SEC63: variants seen among roughly 807,000 people sequenced by gnomAD.
SEC63 encodes translocation protein SEC63 homolog.
A neutral mutation model predicts 116.2 loss-of-function variants in SEC63; 56 were observed. The ratio of observed to expected loss-of-function variants is 0.48; its 90% CI spans 0.39 to 0.60. SEC63 has a LOEUF of 0.60. SEC63 is among the 20% of genes least tolerant of loss of function. The pLI, the probability that SEC63 is intolerant of heterozygous loss-of-function variation, is 0.00. For missense variants in SEC63, 668 were observed against 900.0 expected (o/e 0.74, Z 3.30); for synonymous variants, 273 against 294.6 (o/e 0.93, Z 0.75).
At chr6:107,914,451 AAAAGGACATTC>A (rs1038673843) in intron 4 of SEC63, among the ~76,000 whole-genome samples, 47 of 152,192 alleles carry the variant, frequency 3.1e-4, no homozygotes, top group African/African-American at 1.1e-3. Flanking sequence ...TAAAATAGCA[AAAAGGACATTC>A]ATTAGTTTTC....
At chr6:107,875,791 G>A (rs766706827) in intron 19 of SEC63, among the ~76,000 whole-genome samples, 1 of 152,154 alleles carries the variant, frequency 6.6e-6, no homozygotes, top group Non-Finnish European at 1.5e-5. Context: ...TGTCTGACAT[G>A]CTGAGAGGTA....
intron 16 of SEC63, among the ~76,000 whole-genome samples, chr6:107,891,451 T>C (rs1329269359): frequency 6.6e-6 from 1 of 152,034 alleles, no homozygotes; most frequent in Non-Finnish European, 1.5e-5. Context: ...CTGGTTATTC[T>C]AGTTAGCAAT....
rs1184875247 is a variant in SEC63 at position 107,870,273 on chromosome 6, A to T, written c.*1431T>A. On this transcript the variant is annotated 3_prime_UTR_variant, in exon 21 of 21. Coordinates refer to ENST00000369002, the MANE Select transcript of SEC63 (RefSeq NM_007214.5). ...CTGCTTTCACCCTTTTATAGGAAAT[A>T]TTACATCTTAAATTTAGAACCAAAA... 2 of 152,674 alleles carry T rather than the reference A, an allele frequency of 1.3e-5. No individual in the cohort carries two copies. The highest frequency in any genetic ancestry group is 2.9e-5 in the Non-Finnish European group (2 of 68,038). 9.5% of individuals were successfully genotyped at this position (152,674 alleles called of 1,614,324 possible). A position where few individuals can be genotyped will look rare whatever the true frequency, so the allele number is the denominator to read the frequency against.
At chr6:107,922,805 T>C (rs1787587762) in intron 3 of SEC63, among the ~76,000 whole-genome samples, 2 of 150,860 alleles carry the variant, frequency 1.3e-5, no homozygotes, top group South Asian at 4.1e-4. Flanking sequence ...AACAGAAAAC[T>C]AGATGATACA....
At chr6:107,892,110 G>T (rs1786696999) in intron 16 of SEC63, among the ~76,000 whole-genome samples, 2 of 152,202 alleles carry the variant, frequency 1.3e-5, no homozygotes, top group South Asian at 2.1e-4. Flanking sequence ...CTTCAGAGCT[G>T]CCAGGTAGGG....
At position 107,887,312 on chromosome 6, in the gene SEC63, C is replaced by G. The variant is rs12201296; in HGVS notation, c.1675-4166G>C. On this transcript the variant is annotated intron_variant, in intron 16 of 20. Coordinates refer to ENST00000369002, the MANE Select transcript of SEC63 (RefSeq NM_007214.5). ...ACACATGCACACGTATGTTTATTGC[C>G]GCATTATTCACAATAGCAAAGACTT... Among the ~76,000 whole-genome samples the G allele has an allele frequency of 1.6e-4, 22 of 137,898 alleles. No individual in the cohort carries two copies. The South Asian group carries it at 4.9e-3, about 31-fold the overall frequency. The allele number at this position is 137,898 out of a possible 152,430, so 90.5% of individuals were successfully genotyped here.
intron 1 of SEC63, chr6:107,957,144 C>T (rs936081889): frequency 1.3e-5 from 2 of 152,148 alleles, no homozygotes; most frequent in African/African-American, 4.8e-5. Flanking sequence ...TGTGAAAAGA[C>T]TTAGAACCAA....
intron 3 of SEC63, among the ~76,000 whole-genome samples, chr6:107,923,302 G>A (rs1256539221): frequency 6.6e-6 from 1 of 152,072 alleles, no homozygotes; most frequent in East Asian, 1.9e-4. Flanking sequence ...TTGTACAGAT[G>A]AGGGTTTCCC....
chr6:107,878,965 C>G (rs1377163591), intron 18 of SEC63, among the ~76,000 whole-genome samples: 1 of 152,136 alleles, frequency 6.6e-6, no homozygotes, highest in African/African-American at 2.4e-5. Flanking sequence ...TATGAGTTAC[C>G]TGTATTTTAG....
At chr6:107,882,163 ACCCCTTATACTTTTATC>A (rs773090275) in intron 17 of SEC63, among the ~76,000 whole-genome samples, 3 of 152,096 alleles carry the variant, frequency 2.0e-5, no homozygotes, top group Admixed American at 6.6e-5. Flanking sequence ...TGTGTTATTA[ACCCCTTATACTTTTATC>A]CTTTGCCCTT....
At chr6:107,937,869 C>T (rs1285913493) in intron 1 of SEC63, among the ~76,000 whole-genome samples, 3 of 152,088 alleles carry the variant, frequency 2.0e-5, no homozygotes, top group Admixed American at 2.0e-4. Context: ...GACTTTTGCC[C>T]ACTTAATGGG....
chr6:107,948,527 A>T (rs2114516200), intron 1 of SEC63, among the ~76,000 whole-genome samples: 1 of 152,334 alleles, frequency 6.6e-6, no homozygotes, highest in East Asian at 1.9e-4. Context: ...AGTCTACTGA[A>T]GGCTTGCAAC....
chr6:107,935,153 G>A (rs1221524084), intron 1 of SEC63, among the ~76,000 whole-genome samples: 22 of 149,388 alleles, frequency 1.5e-4, no homozygotes, highest in East Asian at 1.2e-3. Context: ...CAGCTGCCCC[G>A]TCCGGGAGGG....
chr6:107,908,983 C>A lies in SEC63; in HGVS notation c.677G>T (p.Arg226Leu), dbSNP rs762056076. ...AAAGTATGTATAAATCTGTGTTGTG[C>A]GTATTAGAATCTGGTCTCCACTATA... Reference protein sequence around the residue: ...IRYSGDQILIRTTQIYTYFVY... With the variant: ...IRYSGDQILILTTQIYTYFVY... The change falls in exon 8 of 21, where the codon CGC becomes CTC. Residue 226 changes from arginine to leucine, a missense_variant. By Grantham distance (102) the Arg-to-Leu change is moderately radical. This residue lies in a region of SEC63 where 430 missense variants were observed against 557.5 expected (regional missense o/e 0.77). Transcript: ENST00000369002. 1.9e-6 allele frequency: 3 copies of A among 1,613,030 alleles called. No homozygotes were observed. The highest frequency in any genetic ancestry group is 2.5e-6 in the Non-Finnish European group (3 of 1,179,354).
chr6:107,906,827 A>AT, intron 8 of SEC63, 50 bp from the exon 9 acceptor site: 1 of 1,345,290 alleles, frequency 7.4e-7, no homozygotes, highest in East Asian at 2.3e-5. Flanking sequence ...TCATTCATTA[A>AT]TTCCCCCTCC....
At chr6:107,892,075 G>C (rs1318825579) in intron 16 of SEC63, among the ~76,000 whole-genome samples, 1 of 152,228 alleles carries the variant, frequency 6.6e-6, no homozygotes, top group Admixed American at 6.5e-5. Flanking sequence ...GAGCTCGAAT[G>C]CTGTGCTGGT....
Position 107,893,703 on chromosome 6 carries a change from A to G in SEC63, c.1501-48T>C, listed in dbSNP as rs563403374. 2.9e-4 allele frequency: 472 copies of G among 1,609,290 alleles called. 5 individuals carry two copies. The South Asian group carries it at 4.8e-3, about 16-fold the overall frequency. On this transcript the variant is annotated intron_variant, in intron 15 of 20. Coordinates refer to ENST00000369002, the MANE Select transcript of SEC63 (RefSeq NM_007214.5). ...CTCTTAAGTTATAGCAACAGATTCA[A>G]TTGAAGGTTGTAGTAATTTTTAGGT...
At position 107,868,151 on chromosome 6, in the gene SEC63, T is replaced by C. The variant is rs1362595329; in HGVS notation, c.*3553A>G. ...AAATGTTATGGTTCACCAACAGTTA[T>C]TTCACTTTAAGGCAGTCTAAATAGA... On this transcript the variant is annotated 3_prime_UTR_variant, in exon 21 of 21. Coordinates refer to ENST00000369002, the MANE Select transcript of SEC63 (RefSeq NM_007214.5). 1 of 152,110 alleles carries C rather than the reference T, an allele frequency of 6.6e-6. No individual in the cohort carries two copies. Among genetic ancestry groups the C allele is most frequent in the African/African-American group, 2.4e-5 (1 of 41,424 alleles). The allele number at this position is 152,110 out of a possible 1,614,324, so 9.4% of individuals were successfully genotyped here.
At chr6:107,939,855 C>T (rs922967918) in intron 1 of SEC63, among the ~76,000 whole-genome samples, 13 of 152,032 alleles carry the variant, frequency 8.6e-5, no homozygotes, top group African/African-American at 3.1e-4. Context: ...ATGAAAATAA[C>T]TTGGAAGTGA....
Sources: gnomAD v4.1 joint callset for allele counts (sites outside exome capture counted in the v4.1 genomes callset) on GRCh38, gnomAD v4.1.1 for gene constraint, gnomAD v4.1.1 regional missense constraint, MANE v1.5 for transcripts, NCBI Gene and HGNC (gene_info 2026-07-23, HGNC 2026-07-21) for gene names.